UNC79: variants seen among roughly 807,000 people sequenced by gnomAD.
UNC79 encodes the protein unc-79 subunit of NALCN channel complex, also known as protein unc-79 homolog.
A neutral mutation model predicts 283.1 loss-of-function variants in UNC79; 37 were observed. The ratio of observed to expected loss-of-function variants is 0.13; its 90% CI spans 0.10 to 0.17. UNC79 has a LOEUF of 0.17. Ranked by LOEUF, UNC79 falls within the 10% of genes least tolerant of loss-of-function variation. The pLI, the probability that UNC79 is intolerant of heterozygous loss-of-function variation, is 1.00. For missense variants in UNC79, 2,272 were observed against 3,211.1 expected (o/e 0.71, Z 7.07); for synonymous variants, 1,107 against 1,200.2 (o/e 0.92, Z 1.61).
At chr14:93,550,160 G>C (rs1244349318) in intron 14 of UNC79, among the ~76,000 whole-genome samples, 1 of 152,060 alleles carries the variant, frequency 6.6e-6, no homozygotes, top group Non-Finnish European at 1.5e-5. Context: ...ACACAAGGTT[G>C]GTTTATAAAT....
intron 14 of UNC79, among the ~76,000 whole-genome samples, chr14:93,543,803 TC>T (rs2141219151): frequency 6.6e-6 from 1 of 152,336 alleles, no homozygotes; most frequent in African/African-American, 2.4e-5. Context: ...ATTTTTTATT[TC>T]CTTTCAAAGA....
intron 4 of UNC79, among the ~76,000 whole-genome samples, chr14:93,486,431 T>G (rs1414144477): frequency 2.0e-5 from 3 of 151,222 alleles, no homozygotes; most frequent in African/African-American, 7.3e-5. Context: ...CCGAAGTGGG[T>G]GGATCACGAG....
chr14:93,353,272 C>T (rs1485288248), intron 1 of UNC79, among the ~76,000 whole-genome samples: 2 of 152,142 alleles, frequency 1.3e-5, no homozygotes. Flanking sequence ...GGCACAGTCA[C>T]AGCTCACTGA....
chr14:93,452,618 C>T (rs1348229034), intron 1 of UNC79, among the ~76,000 whole-genome samples: 2 of 152,022 alleles, frequency 1.3e-5, no homozygotes, highest in Admixed American at 6.5e-5. Flanking sequence ...CGACCCCTGA[C>T]CTCAGATGAC....
intron 14 of UNC79, among the ~76,000 whole-genome samples, chr14:93,545,746 C>G (rs1467479692): frequency 6.6e-6 from 1 of 152,160 alleles, no homozygotes; most frequent in Admixed American, 6.5e-5. Context: ...GTTCTTCCTG[C>G]CTGCTGCACA....
At chr14:93,542,665 G>C in exon 14 of UNC79, 1 of 1,614,190 alleles carries the variant, frequency 6.2e-7, no homozygotes. Context: ...ATGGTCATGT[G>C]CCTTCTTCCT....
chr14:93,622,826 G>A, exon 30 of UNC79: 3 of 1,613,318 alleles, frequency 1.9e-6, no homozygotes. Flanking sequence ...CAAACTGGGA[G>A]AACAGAAAGA....
At chr14:93,562,700 AT>A (rs2062635083) in intron 14 of UNC79, among the ~76,000 whole-genome samples, 2 of 152,162 alleles carry the variant, frequency 1.3e-5, no homozygotes, top group Non-Finnish European at 2.9e-5. Flanking sequence ...ATCGGACTCT[AT>A]AGAGGTGGGA....
At chr14:93,496,571 G>A (rs112986715) in intron 6 of UNC79, 105 bp downstream of exon 6, 5 of 679,610 alleles carry the variant, frequency 7.4e-6, no homozygotes, top group East Asian at 3.1e-5. Context: ...ATTTATTGAC[G>A]TCCTATTATT....
Position 93,605,534 on chromosome 14 carries a change from G to T in UNC79, c.3754+2116G>T, listed in dbSNP as rs116405300. ...ATTTATCATGAAGTAGCCTAAGAGG[G>T]CATTGGCAAGGAGATTCCACATGAA... On this transcript the variant is annotated intron_variant, in intron 26 of 48. Transcript: ENST00000555664. 5.0e-3 allele frequency among the ~76,000 whole-genome samples: 765 copies of T among 152,242 alleles called. 6 individuals carry two copies. Among genetic ancestry groups the T allele is most frequent in the African/African-American group, 0.018 (727 of 41,526 alleles).
chr14:93,624,502 T>C (rs2067397598), intron 30 of UNC79, among the ~76,000 whole-genome samples: 1 of 152,150 alleles, frequency 6.6e-6, no homozygotes, highest in African/African-American at 2.4e-5. Flanking sequence ...GGTGAGTCTC[T>C]GTGATGTGTA....
intron 2 of UNC79, among the ~76,000 whole-genome samples, chr14:93,471,603 A>T (rs1398616320): frequency 6.6e-6 from 1 of 152,032 alleles, no homozygotes; most frequent in Non-Finnish European, 1.5e-5. Flanking sequence ...AATAAACTTC[A>T]CAAAACATCA....
At chr14:93,358,757 T>C (rs904197659) in intron 1 of UNC79, among the ~76,000 whole-genome samples, 2 of 152,200 alleles carry the variant, frequency 1.3e-5, no homozygotes, top group Non-Finnish European at 2.9e-5. Context: ...CACCTTTGTC[T>C]GAGGAGATAA....
chr14:93,486,656 G>GTAAAAAAAAAAA (rs374088349), intron 4 of UNC79, among the ~76,000 whole-genome samples: 1 of 78,508 alleles, frequency 1.3e-5, no homozygotes, highest in African/African-American at 4.2e-5. Context: ...CTCTGTCTAA[G>GTAAAAAAAAAAA]GAAAAAAAAA....
chr14:93,493,894 TA>T (rs1333533420), intron 5 of UNC79, among the ~76,000 whole-genome samples: 17,619 of 61,748 alleles, frequency 0.29, 2,099 homozygotes, highest in Non-Finnish European at 0.33. Context: ...TATATATATA[TA>T]TATATATTTT....
intron 1 of UNC79, among the ~76,000 whole-genome samples, chr14:93,421,154 T>C (rs1423886436): frequency 2.0e-5 from 3 of 151,306 alleles, no homozygotes; most frequent in East Asian, 3.9e-4. Context: ...TAAAAATCAA[T>C]GAAACAAAAA....
chr14:93,534,322 C>G (rs760531515), intron 11 of UNC79, among the ~76,000 whole-genome samples: 2 of 152,190 alleles, frequency 1.3e-5, no homozygotes, highest in Non-Finnish European at 2.9e-5. Context: ...AGCTGAGTAA[C>G]TTTCTCAATC....
At chr14:93,422,759 C>G (rs1197634391) in intron 1 of UNC79, among the ~76,000 whole-genome samples, 1 of 151,880 alleles carries the variant, frequency 6.6e-6, no homozygotes, top group Non-Finnish European at 1.5e-5. Context: ...CAACAGCAAA[C>G]AATCTTAAAA....
intron 7 of UNC79, among the ~76,000 whole-genome samples, chr14:93,512,409 G>C (rs8006721): frequency 6.6e-6 from 1 of 151,884 alleles, no homozygotes; most frequent in Non-Finnish European, 1.5e-5. Context: ...TGAGCTTCTC[G>C]AATCTGTGGT....
Sources: allele counts gnomAD v4.1 joint callset (sites outside exome capture counted in the v4.1 genomes callset), GRCh38; gene constraint gnomAD v4.1.1; transcripts MANE v1.5; gene names NCBI Gene and HGNC (gene_info 2026-07-23, HGNC 2026-07-21).